Variants in TDRD15 observed in about 807,000 individuals in gnomAD.
The protein encoded by TDRD15 is tudor domain-containing protein 15.
For missense variants in TDRD15, 1,416 were observed against 904.7 expected (o/e 1.57, Z -7.25); for synonymous variants, 503 against 314.5 (o/e 1.60, Z -6.34).
downstream of TDRD15, among the ~76,000 whole-genome samples, chr2:21,145,478 C>T (rs575565314): frequency 6.6e-6 from 1 of 151,812 alleles, no homozygotes; most frequent in Non-Finnish European, 1.5e-5. Context: ...GTCCCTGCTT[C>T]TATCTTATAG....
chr2:21,135,570 A>T (rs1665792297), intron 3 of TDRD15, among the ~76,000 whole-genome samples: 1 of 152,034 alleles, frequency 6.6e-6, no homozygotes. Flanking sequence ...ATCTTGCAGA[A>T]ACTATTAGCC....
Position 21,140,540 on chromosome 2 carries a change from G to A in TDRD15, c.3073G>A (p.Asp1025Asn). ...MRVCISKYVE[D>N]GLSYRALAIP... ...AGTGTGCATATCTAAGTATGTAGAG[G>A]ATGGTCTCTCATACAGAGCTTTAGC... Residue 1025 changes from aspartate (D) to asparagine (N), a missense_variant, in exon 4 of 4, where the codon GAT becomes AAT. Coordinates refer to ENST00000405799, the MANE Select transcript of TDRD15 (RefSeq NM_001306137.2). The A allele has an allele frequency of 1.4e-6, 1 of 701,918 alleles. No homozygotes were observed. The highest frequency in any genetic ancestry group is 2.6e-6 in the Non-Finnish European group (1 of 379,300). The allele number at this position is 701,918 out of a possible 1,614,324, so 43.5% of individuals were successfully genotyped here.
At chr2:21,124,925 G>C (rs1460868819) in intron 1 of TDRD15, among the ~76,000 whole-genome samples, 1 of 142,652 alleles carries the variant, frequency 7.0e-6, no homozygotes, top group African/African-American at 2.6e-5. Context: ...ACCCTGTCAG[G>C]TTGTGTGTGA....
Position 21,141,975 on chromosome 2 carries a change from A to G in TDRD15, c.4508A>G (p.Asn1503Ser), listed in dbSNP as rs1470705793. Residue 1503 changes from asparagine to serine, a missense_variant, in exon 4 of 4, where the codon AAT (asparagine) becomes AGT (serine). By Grantham distance (46) the Asn-to-Ser change is conservative (BLOSUM62 1). Coordinates refer to ENST00000405799, the MANE Select transcript of TDRD15 (RefSeq NM_001306137.2). The stretch of plus-strand genomic sequence containing the variant: ...AATGAAATGAAGAAAGGAAAATCAA[A>G]TGAGTCTGAAGGTTCTATGAATTCA... ...GDNEMKKGKS[N>S]ESEGSMNSNQ... 1 of 705,610 alleles carries G rather than the reference A, an allele frequency of 1.4e-6. No homozygotes were observed. The highest frequency in any genetic ancestry group is 2.7e-5 in the East Asian group (1 of 37,210). The allele number at this position is 705,610 out of a possible 1,614,324, so 43.7% of individuals were successfully genotyped here.
rs550279662 is a variant in TDRD15 at position 21,143,684 on chromosome 2, A to C, written c.*412A>C. Among the ~76,000 whole-genome samples, 6 of 151,946 alleles carry C rather than the reference A, an allele frequency of 3.9e-5. No homozygotes were observed. The East Asian group carries it at 1.2e-3, about 29-fold the overall frequency. ...AAAAAACACAGAACACTTAAAAGGT[A>C]AACAGACATTTTTATAAAGTAGATT... is the stretch of plus-strand genomic sequence containing the variant. On this transcript the variant is annotated 3_prime_UTR_variant, in exon 4 of 4. Coordinates refer to ENST00000405799, the MANE Select transcript of TDRD15 (RefSeq NM_001306137.2).
At chr2:21,128,628 C>A (rs1247211723) in intron 2 of TDRD15, among the ~76,000 whole-genome samples, 2 of 152,020 alleles carry the variant, frequency 1.3e-5, no homozygotes, top group South Asian at 2.1e-4. Context: ...GGCCTGTATT[C>A]TTTTCTGTAT....
At position 21,139,999 on chromosome 2, in the gene TDRD15, A is replaced by ATTTAATTT; in HGVS notation, c.2532_2533insTTTAATTT (p.Asp845PhefsTer15). The ATTTAATTT allele has an allele frequency of 1.4e-6, 1 of 715,842 alleles. No homozygotes were observed. Among genetic ancestry groups the ATTTAATTT allele is most frequent in the Non-Finnish European group, 2.6e-6 (1 of 383,974 alleles). 44.3% of individuals were successfully genotyped at this position (715,842 alleles called of 1,614,324 possible). ...GTTACCAAAAAAGGGTTTTAATTGA[A>ATTTAATTT]GATCTTTGTGCAATTAACCCACGTT... On this transcript the variant is annotated frameshift_variant, in exon 4 of 4. Coordinates refer to ENST00000405799, the MANE Select transcript of TDRD15 (RefSeq NM_001306137.2). LOFTEE classifies it low-confidence loss of function (END_TRUNC).
intron 1 of TDRD15, among the ~76,000 whole-genome samples, chr2:21,126,189 C>T (rs941927365): frequency 6.6e-6 from 1 of 152,172 alleles, no homozygotes; most frequent in Non-Finnish European, 1.5e-5. Flanking sequence ...TTTGGTCCCA[C>T]TCGAACCTGC....
At chr2:21,124,441 G>T (rs1424370013) in intron 1 of TDRD15, among the ~76,000 whole-genome samples, 3 of 147,614 alleles carry the variant, frequency 2.0e-5, no homozygotes, top group Admixed American at 6.8e-5. Flanking sequence ...CTAATGTCAG[G>T]GTGTGTGTGT....
In TDRD15 at chr2:21,141,779, A is replaced by T; in HGVS notation, c.4312A>T (p.Thr1438Ser). 1.4e-6 allele frequency: 1 copy of T among 714,284 alleles called. No homozygotes were observed. Among genetic ancestry groups the T allele is most frequent in the East Asian group, 2.7e-5 (1 of 37,242 alleles). The allele number at this position is 714,284 out of a possible 1,614,324, so 44.2% of individuals were successfully genotyped here. A position where few individuals can be genotyped will look rare whatever the true frequency, so the allele number is the denominator to read the frequency against. ...DYFTSKVHNK[T>S]VYCEFLKKHD... Reference sequence around the variant, plus strand: ...TTTTACTTCGAAAGTACATAACAAAACAGTTTATTGTGAATTTTTGAAAAA... The same window carrying T: ...TTTTACTTCGAAAGTACATAACAAATCAGTTTATTGTGAATTTTTGAAAAA... Residue 1438 changes from threonine to serine, a missense_variant, in exon 4 of 4, where the codon ACA (threonine) becomes TCA (serine). Coordinates refer to ENST00000405799, the MANE Select transcript of TDRD15 (RefSeq NM_001306137.2).
At chr2:21,131,688 C>T (rs1665721316) in intron 2 of TDRD15, among the ~76,000 whole-genome samples, 2 of 152,178 alleles carry the variant, frequency 1.3e-5, no homozygotes, top group South Asian at 4.1e-4. Flanking sequence ...AAAACCATGT[C>T]ACTTTTCACT....
chr2:21,142,959 T>C lies in TDRD15; in HGVS notation c.5492T>C (p.Leu1831Pro), dbSNP rs2103448497. The C allele has an allele frequency of 1.4e-6, 1 of 705,046 alleles. No homozygotes were observed. 43.7% of individuals were successfully genotyped at this position (705,046 alleles called of 1,614,324 possible). A position where few individuals can be genotyped will look rare whatever the true frequency, so the allele number is the denominator to read the frequency against. The change falls in exon 4 of 4, where the codon CTT (leucine) becomes CCT (proline). Residue 1831 changes from leucine to proline, a missense_variant. Leu to Pro is a moderately conservative substitution (Grantham distance 98, BLOSUM62 -3). Transcript: ENST00000405799. ...ATACGTTATTCAGAAATTATAAATC[T>C]TAAAGTTGTTCCTGAGGAACTTTTG... ...FYIRYSEIINLKVVPEELLNL... is the reference protein window; with the variant it reads ...FYIRYSEIINPKVVPEELLNL...
intron 1 of TDRD15, among the ~76,000 whole-genome samples, chr2:21,124,807 C>T (rs1366432880): frequency 1.1e-4 from 11 of 102,200 alleles, no homozygotes; most frequent in Non-Finnish European, 1.8e-4. Context: ...CAGAGTGATC[C>T]TAATGCCAGG....
chr2:21,141,407 C>T lies in TDRD15; in HGVS notation c.3940C>T (p.Leu1314Phe), dbSNP rs1308236765. Residue 1314 changes from leucine (L) to phenylalanine (F), a missense_variant, in exon 4 of 4, where the codon CTT (leucine) becomes TTT (phenylalanine). Coordinates refer to ENST00000405799, the MANE Select transcript of TDRD15 (RefSeq NM_001306137.2). ...ISNPANFHIQ[L>F]AENESVIIRL... ...TAATCCAGCGAATTTCCATATTCAG[C>T]TTGCTGAGAATGAAAGTGTAATTAT... 2.8e-6 allele frequency: 2 copies of T among 712,962 alleles called. No individual in the cohort carries two copies. Among genetic ancestry groups the T allele is most frequent in the East Asian group, 2.7e-5 (1 of 37,272 alleles). The allele number at this position is 712,962 out of a possible 1,614,324, so 44.2% of individuals were successfully genotyped here.
At chr2:21,145,791 G>A (rs918109271), downstream of TDRD15, among the ~76,000 whole-genome samples, 3 of 151,864 alleles carry the variant, frequency 2.0e-5, no homozygotes, top group African/African-American at 4.8e-5. Context: ...ATTATTGCCT[G>A]CAGGTACTCT....
rs1445473294 is a variant in TDRD15, at chr2:21,144,053, T to G, written c.*781T>G. Among the ~76,000 whole-genome samples, 1 of 151,808 alleles carries G rather than the reference T, an allele frequency of 6.6e-6. No individual in the cohort carries two copies. The highest frequency in any genetic ancestry group is 1.5e-5 in the Non-Finnish European group (1 of 67,790). On this transcript the variant is annotated 3_prime_UTR_variant, in exon 4 of 4. Coordinates refer to ENST00000405799, the MANE Select transcript of TDRD15 (RefSeq NM_001306137.2). ...CCTGCGCTTATTTTGAAGAATCATT[T>G]TTCTGTTATATATAGTTTTATATCA...
At chr2:21,131,892 G>A (rs1665724876) in intron 2 of TDRD15, among the ~76,000 whole-genome samples, 4 of 152,138 alleles carry the variant, frequency 2.6e-5, no homozygotes. Flanking sequence ...CTATAAATGT[G>A]TCCTGAGAAC....
chr2:21,137,870 AAATGGTCCCCT>A lies in TDRD15; in HGVS notation c.406_416del (p.Trp136SerfsTer29). ...TGCGAATATACTACCAGTTGGGGAAAAATGGTCCCCTAAAGCTTTGAATTATTTCAAGTCAT... is the reference window on the plus strand; with the variant it reads ...TGCGAATATACTACCAGTTGGGGAAAAAAGCTTTGAATTATTTCAAGTCAT... On this transcript the variant is annotated frameshift_variant, in exon 4 of 4. Coordinates refer to ENST00000405799, the MANE Select transcript of TDRD15 (RefSeq NM_001306137.2). LOFTEE classifies it low-confidence loss of function (END_TRUNC). 1 of 715,964 alleles carries A rather than the reference AAATGGTCCCCT, an allele frequency of 1.4e-6. No homozygotes were observed. Among genetic ancestry groups the A allele is most frequent in the Non-Finnish European group, 2.6e-6 (1 of 384,260 alleles). The allele number at this position is 715,964 out of a possible 1,614,324, so 44.4% of individuals were successfully genotyped here. A position where few individuals can be genotyped will look rare whatever the true frequency, so the allele number is the denominator to read the frequency against.
Position 21,138,906 on chromosome 2 carries a change from T to C in TDRD15, c.1439T>C (p.Ile480Thr), listed in dbSNP as rs1665865435. The C allele has an allele frequency of 1.4e-6, 1 of 715,588 alleles. No homozygotes were observed. The highest frequency in any genetic ancestry group is 2.6e-6 in the Non-Finnish European group (1 of 384,062). The allele number at this position is 715,588 out of a possible 1,614,324, so 44.3% of individuals were successfully genotyped here. ...GFPIKTVQME[I>T]EAAYIAFIAY... is the part of the protein sequence containing the mutation. ...CCCATTAAAACAGTACAAATGGAGA[T>C]AGAGGCTGCCTACATAGCTTTTATA... Residue 480 changes from isoleucine to threonine, a missense_variant, in exon 4 of 4, where the codon ATA becomes ACA. By Grantham distance (89) the Ile-to-Thr change is moderately conservative. Coordinates refer to ENST00000405799, the MANE Select transcript of TDRD15 (RefSeq NM_001306137.2).
Sources: gnomAD v4.1 joint callset for allele counts (sites outside exome capture counted in the v4.1 genomes callset) on GRCh38, gnomAD v4.1.1 for gene constraint, MANE v1.5 for transcripts, NCBI Gene and HGNC (gene_info 2026-07-23, HGNC 2026-07-21) for gene names.